The following ACACB variants were observed in gnomAD, a reference collection of about 807,000 sequenced individuals.
ACACB encodes the protein acetyl-CoA carboxylase 2.
ACACB carries 209 observed loss-of-function variants against 278.8 expected under a neutral mutation model. The ratio of observed to expected loss-of-function variants is 0.75; its 90% CI spans 0.67 to 0.84. ACACB has a LOEUF of 0.84. Among genes scored for constraint, ACACB ranks in the 40% least tolerant of loss-of-function variants. The pLI, the probability that ACACB is intolerant of heterozygous loss-of-function variation, is 0.00. For synonymous variants in ACACB, 1,174 were observed against 1,285.6 expected (o/e 0.91, Z 1.86); for missense variants, 2,850 against 3,269.0 (o/e 0.87, Z 3.13).
At chr12:109,153,255 C>T (rs909423978) in intron 2 of ACACB, among the ~76,000 whole-genome samples, 1 of 152,170 alleles carries the variant, frequency 6.6e-6, no homozygotes, top group Non-Finnish European at 1.5e-5. Context: ...CCCCAAAGTG[C>T]TGGGATTACA....
rs372425748 is a variant in ACACB at position 109,191,857 on chromosome 12, C to T, written c.2306C>T (p.Pro769Leu). Reference sequence around the variant, plus strand: ...TGCATTTTCTCCTAGGCGGAGAAACCGGATATCATGCTTGGGGTGGTATGC... The same window carrying T: ...TGCATTTTCTCCTAGGCGGAGAAACTGGATATCATGCTTGGGGTGGTATGC... ...LIAEKVQAEKPDIMLGVVCGA... is the reference protein window; with the variant it reads ...LIAEKVQAEKLDIMLGVVCGA... Residue 769 changes from proline (P) to leucine (L), a missense_variant, in exon 15 of 53, where the codon CCG becomes CTG. Coordinates refer to ENST00000338432, the MANE Select transcript of ACACB (RefSeq NM_001093.4). 14 of 1,614,022 alleles carry T rather than the reference C, an allele frequency of 8.7e-6. No individual in the cohort carries two copies. The highest frequency in any genetic ancestry group is 5.5e-5 in the South Asian group (5 of 91,070).
intron 40 of ACACB, among the ~76,000 whole-genome samples, chr12:109,248,632 C>T (rs1306573235): frequency 6.6e-6 from 1 of 152,204 alleles, no homozygotes; most frequent in South Asian, 2.1e-4. Flanking sequence ...GCTTACTCCA[C>T]CTTCTTTCAC....
At chr12:109,238,456 C>A (rs2046700776) in intron 34 of ACACB, among the ~76,000 whole-genome samples, 4 of 101,500 alleles carry the variant, frequency 3.9e-5, no homozygotes, top group African/African-American at 6.4e-5. Flanking sequence ...ATATAATATA[C>A]ATAATATAAT....
At chr12:109,217,690 C>T (rs187379846) in intron 24 of ACACB, among the ~76,000 whole-genome samples, 114 of 151,422 alleles carry the variant, frequency 7.5e-4, no homozygotes, top group Admixed American at 1.4e-3. Context: ...GTCCCAGCTA[C>T]TCAGGGGGCT....
chr12:109,238,392 TATTATATATATA>T (rs1403985495), intron 34 of ACACB, among the ~76,000 whole-genome samples: 3 of 142,102 alleles, frequency 2.1e-5, no homozygotes, highest in Non-Finnish European at 4.5e-5. Flanking sequence ...ATATATATAT[TATTATATATATA>T]ATTATATATA....
intron 4 of ACACB, among the ~76,000 whole-genome samples, chr12:109,171,134 G>A (rs960687896): frequency 8.6e-5 from 13 of 150,602 alleles, no homozygotes; most frequent in Admixed American, 6.0e-4. Context: ...GATGTCAGGC[G>A]TGCACCACCG....
intron 29 of ACACB, 145 bp from the exon 30 acceptor site, chr12:109,233,603 G>A: frequency 1.5e-6 from 1 of 668,932 alleles, no homozygotes; most frequent in Non-Finnish European, 2.5e-6. Context: ...GGAACCTCCT[G>A]AGCTCTGTAG....
Position 109,174,230 on chromosome 12 carries a change from G to A in ACACB, c.1216G>A (p.Gly406Ser), listed in dbSNP as rs771971405. 2.5e-5 allele frequency: 40 copies of A among 1,609,266 alleles called. No individual in the cohort carries two copies. The highest frequency in any genetic ancestry group is 4.5e-5 in the East Asian group (2 of 44,746). Residue 406 changes from glycine to serine, a missense_variant and splice_region_variant, in exon 7 of 53, where the codon GGC becomes AGC. By Grantham distance (56) the Gly-to-Ser change is moderately conservative (BLOSUM62 0). Transcript: ENST00000338432. ...QVPTLPWSGS[G>S]LTVEWTEDDL... ...CCCAACCCTGCCCTGGAGTGGAAGC[G>A]GTAAGGGACCCCGAGCTTCCCTCTG...
chr12:109,251,917 C>G, intron 41 of ACACB, 129 bp from the exon 42 acceptor site: 2 of 598,590 alleles, frequency 3.3e-6, no homozygotes. Flanking sequence ...TGGTTTGGCT[C>G]CAAATCGGGT....
Position 109,176,173 on chromosome 12 carries a change from T to G in ACACB, c.1347T>G (p.Phe449Leu). The change falls in exon 9 of 53, where the codon TTT becomes TTG. Residue 449 changes from phenylalanine (F) to leucine (L), a missense_variant. By Grantham distance (22) the Phe-to-Leu change is conservative. Around this residue, in one of 3 missense-constraint regions of ACACB, gnomAD observed 2,265 missense variants for 2,561.3 expected, o/e 0.88. Transcript: ENST00000338432. Reference protein sequence around the residue: ...EGLEAAERIGFPLMIKASEGG... With the variant: ...EGLEAAERIGLPLMIKASEGG... Reference sequence around the variant, plus strand: ...CCCAGGCAGCAGAAAGAATTGGTTTTCCATTGATGATCAAAGCTTCTGAAG... The same window carrying G: ...CCCAGGCAGCAGAAAGAATTGGTTTGCCATTGATGATCAAAGCTTCTGAAG... 1 of 1,614,184 alleles carries G rather than the reference T, an allele frequency of 6.2e-7. No individual in the cohort carries two copies.
At chr12:109,232,857 A>G in intron 29 of ACACB, 51 bp downstream of exon 29, 2 of 1,602,904 alleles carry the variant, frequency 1.2e-6, no homozygotes, top group South Asian at 1.1e-5. Flanking sequence ...GGCTGGGCAG[A>G]CTTCCCTTGA....
chr12:109,254,867 T>G (rs1162087670), intron 44 of ACACB, among the ~76,000 whole-genome samples: 1 of 151,986 alleles, frequency 6.6e-6, no homozygotes, highest in African/African-American at 2.4e-5. Flanking sequence ...CTCTACCTCC[T>G]GGGTTCAAGT....
At chr12:109,241,396 C>A in intron 36 of ACACB, 115 bp downstream of exon 36, 3 of 1,086,112 alleles carry the variant, frequency 2.8e-6, no homozygotes, top group Non-Finnish European at 4.1e-6. Context: ...TCTCCCATGT[C>A]ATTCTGGGTT....
At chr12:109,260,408 G>A in intron 47 of ACACB, 72 bp from the exon 48 acceptor site, 3 of 1,586,182 alleles carry the variant, frequency 1.9e-6, no homozygotes, top group Non-Finnish European at 2.6e-6. Flanking sequence ...GGACCCCCAG[G>A]ACAACTAGGG....
intron 52 of ACACB, among the ~76,000 whole-genome samples, chr12:109,265,878 G>A (rs1273899604): frequency 6.6e-6 from 1 of 152,252 alleles, no homozygotes; most frequent in Non-Finnish European, 1.5e-5. Context: ...TGTCTTCCAC[G>A]CCAGTGTTGA....
chr12:109,111,820 C>CA (rs1408698329), upstream of ACACB, among the ~76,000 whole-genome samples: 2 of 152,114 alleles, frequency 1.3e-5, no homozygotes, highest in African/African-American at 4.8e-5. Context: ...CTTAAAAGGG[C>CA]AGGGAGGGAG....
At chr12:109,129,791 T>C (rs2042777664) in intron 1 of ACACB, among the ~76,000 whole-genome samples, 1 of 152,202 alleles carries the variant, frequency 6.6e-6, no homozygotes, top group African/African-American at 2.4e-5. Context: ...GGCTGGCCGA[T>C]CCTTAGAGAG....
chr12:109,176,560 G>A (rs961302133), intron 9 of ACACB, among the ~76,000 whole-genome samples: 5 of 152,108 alleles, frequency 3.3e-5, no homozygotes, highest in African/African-American at 9.7e-5. Context: ...GGCCTATAGA[G>A]GAATGGGATA....
In ACACB at chr12:109,233,982, G is replaced by T. The variant is rs777908450; in HGVS notation, c.4284G>T (p.Gln1428His). 10 of 1,614,160 alleles carry T rather than the reference G, an allele frequency of 6.2e-6. No individual in the cohort carries two copies. The South Asian group carries it at 9.9e-5, about 16-fold the overall frequency. The change falls in exon 31 of 53, where the codon CAG becomes CAT. Residue 1428 changes from glutamine (Q) to histidine (H), a missense_variant. This residue lies in a region of ACACB where 2,265 missense variants were observed against 2,561.3 expected (regional missense o/e 0.88). Transcript: ENST00000338432. Reference sequence around the variant, plus strand: ...TCCACATTCTGAATGTGTCCATCCAGTGTGCAGACCACCTGGAGGATGAGG... The same window carrying T: ...TCCACATTCTGAATGTGTCCATCCATTGTGCAGACCACCTGGAGGATGAGG... ...EPIHILNVSI[Q>H]CADHLEDEAL...
Sources: gnomAD v4.1 joint callset for allele counts (sites outside exome capture counted in the v4.1 genomes callset) on GRCh38, gnomAD v4.1.1 for gene constraint, gnomAD v4.1.1 regional missense constraint, MANE v1.5 for transcripts, NCBI Gene and HGNC (gene_info 2026-07-23, HGNC 2026-07-21) for gene names.